SDK1: variants seen among roughly 807,000 people sequenced by gnomAD.
SDK1 encodes the protein protein sidekick-1.
SDK1 carries 157 observed loss-of-function variants against 245.5 expected under a neutral mutation model. That is an observed-to-expected ratio of 0.64 (90% CI 0.56 to 0.73). The LOEUF (loss-of-function observed/expected upper bound fraction) is 0.73. Among genes scored for constraint, SDK1 ranks in the 30% least tolerant of loss-of-function variants. The pLI, the probability that SDK1 is intolerant of heterozygous loss-of-function variation, is 0.00. For missense variants in SDK1, 3,583 were observed against 3,002.3 expected (o/e 1.19, Z -4.52); for synonymous variants, 1,647 against 1,278.5 (o/e 1.29, Z -6.15).
intron 1 of SDK1, among the ~76,000 whole-genome samples, chr7:3,596,717 T>C (rs1781079432): frequency 6.6e-6 from 1 of 151,868 alleles, no homozygotes; most frequent in African/African-American, 2.4e-5. Context: ...AAAGAAGAAC[T>C]TCAGACAAAG....
intron 4 of SDK1, among the ~76,000 whole-genome samples, chr7:3,746,120 T>A (rs1447489762): frequency 6.6e-6 from 1 of 152,236 alleles, no homozygotes; most frequent in Middle Eastern, 3.2e-3. Context: ...CTACCCCAAT[T>A]TGCAAATATT....
intron 11 of SDK1, among the ~76,000 whole-genome samples, chr7:3,970,504 G>C (rs1782410656): frequency 6.6e-6 from 1 of 152,232 alleles, no homozygotes. Context: ...ATTTATGCCT[G>C]AGGTTGCAGT....
intron 5 of SDK1, among the ~76,000 whole-genome samples, chr7:3,949,511 C>T (rs1289269955): frequency 6.6e-6 from 1 of 152,224 alleles, no homozygotes; most frequent in African/African-American, 2.4e-5. Context: ...CGCTGCCGCT[C>T]ACGATGGTGG....
intron 14 of SDK1, among the ~76,000 whole-genome samples, chr7:3,991,744 C>G (rs894069264): frequency 3.9e-5 from 6 of 152,180 alleles, no homozygotes; most frequent in Non-Finnish European, 8.8e-5. Flanking sequence ...CCTGCCTGTT[C>G]TGATTTCCAC....
intron 1 of SDK1, among the ~76,000 whole-genome samples, chr7:3,576,930 G>T (rs996076328): frequency 2.0e-5 from 3 of 152,006 alleles, no homozygotes; most frequent in Non-Finnish European, 4.4e-5. Flanking sequence ...AGCTGGTCGG[G>T]CACCTGAAGA....
At chr7:4,009,814 T>G (rs1024228537) in intron 14 of SDK1, among the ~76,000 whole-genome samples, 3 of 152,258 alleles carry the variant, frequency 2.0e-5, no homozygotes, top group Non-Finnish European at 4.4e-5. Context: ...AGTCTCATTT[T>G]CATTTTGGAG....
intron 35 of SDK1, among the ~76,000 whole-genome samples, chr7:4,198,984 T>C (rs982150792): frequency 3.3e-5 from 5 of 152,058 alleles, no homozygotes; most frequent in Non-Finnish European, 7.4e-5. Context: ...TGGCTAATTT[T>C]TGTGTTTTTA....
intron 5 of SDK1, among the ~76,000 whole-genome samples, chr7:3,949,442 G>T (rs1045939228): frequency 1.3e-5 from 2 of 152,142 alleles, no homozygotes; most frequent in African/African-American, 4.8e-5. Context: ...TTCTCTCTCC[G>T]CGGCCCTCAC....
At chr7:3,474,203 A>C (rs372824886) in intron 1 of SDK1, among the ~76,000 whole-genome samples, 1 of 146,614 alleles carries the variant, frequency 6.8e-6, no homozygotes, top group Non-Finnish European at 1.5e-5. Context: ...CCTGGGTTCA[A>C]ACAGTTCTCC....
intron 1 of SDK1, among the ~76,000 whole-genome samples, chr7:3,494,945 A>C (rs1262530407): frequency 6.6e-6 from 1 of 152,214 alleles, no homozygotes; most frequent in Non-Finnish European, 1.5e-5. Context: ...CTCTTGAGTT[A>C]CAAGCCATTA....
At chr7:3,551,190 G>T (rs1173772459) in intron 1 of SDK1, among the ~76,000 whole-genome samples, 1 of 152,092 alleles carries the variant, frequency 6.6e-6, no homozygotes, top group African/African-American at 2.4e-5. Context: ...CCGGGGGTGG[G>T]GGGCCCAACA....
intron 5 of SDK1, among the ~76,000 whole-genome samples, chr7:3,862,713 G>C (rs1399605694): frequency 1.3e-5 from 2 of 152,150 alleles, no homozygotes; most frequent in Non-Finnish European, 2.9e-5. Context: ...TGAGTTACTA[G>C]TGGTTTATTT....
chr7:3,394,693 C>A (rs903444049), intron 1 of SDK1, among the ~76,000 whole-genome samples: 3 of 151,900 alleles, frequency 2.0e-5, no homozygotes, highest in African/African-American at 4.8e-5. Flanking sequence ...GAATTTTCTT[C>A]AAAGCTTTAT....
intron 35 of SDK1, among the ~76,000 whole-genome samples, chr7:4,184,200 C>G (rs1205783525): frequency 6.6e-6 from 1 of 152,222 alleles, no homozygotes; most frequent in Non-Finnish European, 1.5e-5. Context: ...CGGCTGGAAG[C>G]TTCAGAGCAC....
At chr7:3,755,268 A>G (rs12113851) in intron 4 of SDK1, among the ~76,000 whole-genome samples, 7,345 of 152,118 alleles carry the variant, frequency 0.048, 525 homozygotes, top group African/African-American at 0.16. Flanking sequence ...GCTTCCTCTG[A>G]TTGGCCTTGA....
In SDK1 at chr7:3,629,871, T is replaced by C. The variant is rs186593554; in HGVS notation, c.459-9133T>C. Among the ~76,000 whole-genome samples the C allele has an allele frequency of 6.1e-4, 93 of 152,254 alleles. 1 individual carries two copies. Among genetic ancestry groups the C allele is most frequent in the African/African-American group, 2.1e-3 (87 of 41,550 alleles). On this transcript the variant is annotated intron_variant, in intron 2 of 44. Coordinates refer to ENST00000404826, the MANE Select transcript of SDK1 (RefSeq NM_152744.4). ...AACCAAGCCAGAACTGACACAGTTA[T>C]TAGAGTTAACAGAGAAAGATAATGA...
intron 5 of SDK1, among the ~76,000 whole-genome samples, chr7:3,938,372 G>C (rs761974509): frequency 8.1e-4 from 123 of 152,210 alleles, no homozygotes; most frequent in Middle Eastern, 3.4e-3. Context: ...GCCTGGCACG[G>C]TGGCTCATGC....
chr7:3,419,833 T>C (rs182345490), intron 1 of SDK1, among the ~76,000 whole-genome samples: 1 of 152,258 alleles, frequency 6.6e-6, no homozygotes, highest in East Asian at 1.9e-4. Context: ...AAACTAAGCT[T>C]AGTATGGCCT....
chr7:3,645,274 C>A (rs1044115188), intron 4 of SDK1, among the ~76,000 whole-genome samples: 1 of 152,154 alleles, frequency 6.6e-6, no homozygotes, highest in Admixed American at 6.5e-5. Context: ...AAGCATGAAG[C>A]TGTTGGTAAA....
Sources: allele counts gnomAD v4.1 joint callset (sites outside exome capture counted in the v4.1 genomes callset), GRCh38; gene constraint gnomAD v4.1.1; transcripts MANE v1.5; gene names NCBI Gene and HGNC (gene_info 2026-07-23, HGNC 2026-07-21).